Variants in ATG10 observed in about 807,000 individuals in gnomAD.
ATG10 encodes the protein ubiquitin-like-conjugating enzyme ATG10.
A neutral mutation model predicts 32.1 loss-of-function variants in ATG10; 30 were observed. The ratio of observed to expected loss-of-function variants is 0.94; its 90% CI spans 0.70 to 1.27. The LOEUF is 1.27. Among genes scored for constraint, ATG10 ranks in the 50% most tolerant of loss-of-function variants. The pLI, the probability that ATG10 is intolerant of heterozygous loss-of-function variation, is 0.00. For missense variants in ATG10, 233 were observed against 262.3 expected (o/e 0.89, Z 0.77); for synonymous variants, 87 against 91.5 (o/e 0.95, Z 0.28).
chr5:82,209,235 G>A (rs574759696), intron 5 of ATG10, among the ~76,000 whole-genome samples: 2 of 152,042 alleles, frequency 1.3e-5, no homozygotes, highest in African/African-American at 4.8e-5. Context: ...ATTTTTCCTG[G>A]CTACTTTTAA....
At chr5:81,996,285 T>C (rs56771094) in intron 2 of ATG10, among the ~76,000 whole-genome samples, 1,778 of 152,308 alleles carry the variant, frequency 0.012, 31 homozygotes, top group African/African-American at 0.04. Flanking sequence ...GGTGCTGGAG[T>C]GCAGTGCAGT....
intron 2 of ATG10, among the ~76,000 whole-genome samples, chr5:82,011,250 T>G (rs959517215): frequency 1.3e-5 from 2 of 152,134 alleles, no homozygotes; most frequent in Non-Finnish European, 2.9e-5. Flanking sequence ...GCCATGACCC[T>G]GAAGGTTTTA....
intron 3 of ATG10, chr5:82,147,239 G>A: frequency 8.4e-6 from 2 of 237,894 alleles, no homozygotes; most frequent in Non-Finnish European, 1.7e-5. Flanking sequence ...CGTGATCTCA[G>A]CTCACTGCAA....
chr5:82,252,059 G>A (rs952686911), intron 5 of ATG10, among the ~76,000 whole-genome samples: 22 of 152,208 alleles, frequency 1.4e-4, no homozygotes, highest in African/African-American at 4.8e-4. Flanking sequence ...GGTTCTACTC[G>A]TGGAACATGT....
intron 2 of ATG10, among the ~76,000 whole-genome samples, chr5:82,013,035 C>T (rs149900350): frequency 0.049 from 7,431 of 151,034 alleles, 449 homozygotes; most frequent in African/African-American, 0.15. Flanking sequence ...AATCTTGGCT[C>T]ACTGCAACCT....
intron 3 of ATG10, among the ~76,000 whole-genome samples, chr5:82,157,246 A>T (rs1055664041): frequency 1.3e-5 from 2 of 149,832 alleles, no homozygotes; most frequent in Non-Finnish European, 1.5e-5. Context: ...ACCCCCTTTT[A>T]AAAAAAAATC....
At chr5:82,105,005 G>A (rs1439959169) in intron 3 of ATG10, among the ~76,000 whole-genome samples, 1 of 152,110 alleles carries the variant, frequency 6.6e-6, no homozygotes, top group Non-Finnish European at 1.5e-5. Context: ...AAATCACTGA[G>A]TTATTGTGGC....
At chr5:82,095,409 A>C (rs1290033743) in intron 3 of ATG10, among the ~76,000 whole-genome samples, 2 of 152,208 alleles carry the variant, frequency 1.3e-5, no homozygotes, top group Non-Finnish European at 1.5e-5. Context: ...TATTTAAAAA[A>C]ATTGTTTTAC....
chr5:82,033,211 A>G (rs1329193591), intron 2 of ATG10, among the ~76,000 whole-genome samples: 3 of 152,176 alleles, frequency 2.0e-5, no homozygotes, highest in African/African-American at 7.2e-5. Flanking sequence ...TATCAATGCA[A>G]TACAATTTTT....
chr5:81,983,807 C>A (rs1211765851), intron 1 of ATG10, among the ~76,000 whole-genome samples: 2 of 151,848 alleles, frequency 1.3e-5, no homozygotes, highest in Non-Finnish European at 2.9e-5. Flanking sequence ...GGCAGAGACG[C>A]TCCTCACCTC....
intron 5 of ATG10, among the ~76,000 whole-genome samples, chr5:82,188,647 G>A (rs931941966): frequency 1.3e-5 from 2 of 152,060 alleles, no homozygotes; most frequent in Non-Finnish European, 2.9e-5. Flanking sequence ...CAACAGCTTG[G>A]AGCAGGTGGA....
At chr5:82,027,992 G>T (rs1046965564) in intron 2 of ATG10, among the ~76,000 whole-genome samples, 2 of 152,316 alleles carry the variant, frequency 1.3e-5, no homozygotes, top group East Asian at 3.9e-4. Context: ...TTTGAGATTG[G>T]TTCCAACAAT....
At chr5:82,136,170 C>T (rs190086927) in intron 3 of ATG10, among the ~76,000 whole-genome samples, 1 of 152,112 alleles carries the variant, frequency 6.6e-6, no homozygotes, top group African/African-American at 2.4e-5. Flanking sequence ...GGTCTTGACT[C>T]TTTATCCAAT....
chr5:82,094,028 C>T (rs754011895), intron 3 of ATG10, among the ~76,000 whole-genome samples: 1 of 152,100 alleles, frequency 6.6e-6, no homozygotes, highest in Non-Finnish European at 1.5e-5. Flanking sequence ...TCCTTATACA[C>T]ATGAGCCGAT....
Position 82,002,957 on chromosome 5 carries a change from A to G in ATG10, c.108+15279A>G, listed in dbSNP as rs79149597. ...AAAATAAAAGTTCAAAAAAACGAGA[A>G]AAAAATTATTTCACGTGACCTAAGA... is the stretch of plus-strand genomic sequence containing the variant. On this transcript the variant is annotated intron_variant, in intron 2 of 7. Coordinates refer to ENST00000282185, the MANE Select transcript of ATG10 (RefSeq NM_031482.5). Among the ~76,000 whole-genome samples the G allele has an allele frequency of 1.1e-4, 16 of 152,316 alleles. No individual in the cohort carries two copies. The East Asian group carries it at 1.5e-3, about 15-fold the overall frequency.
At chr5:81,978,857 A>G (rs1467613670) in intron 1 of ATG10, among the ~76,000 whole-genome samples, 1 of 152,130 alleles carries the variant, frequency 6.6e-6, no homozygotes, top group East Asian at 1.9e-4. Flanking sequence ...AAGGTACTAT[A>G]AATGAGAAGA....
intron 5 of ATG10, among the ~76,000 whole-genome samples, chr5:82,197,060 A>G (rs980405153): frequency 3.9e-5 from 6 of 152,054 alleles, no homozygotes; most frequent in African/African-American, 1.2e-4. Context: ...GCTCCTCTCA[A>G]TTTCTTTCAA....
At chr5:82,015,250 GC>G (rs1385926388) in intron 2 of ATG10, among the ~76,000 whole-genome samples, 2 of 152,160 alleles carry the variant, frequency 1.3e-5, no homozygotes, top group Non-Finnish European at 2.9e-5. Context: ...CTGTCTGGCT[GC>G]CCTTAATATT....
At chr5:82,015,995 G>A (rs1762275896) in intron 2 of ATG10, among the ~76,000 whole-genome samples, 1 of 152,120 alleles carries the variant, frequency 6.6e-6, no homozygotes. Context: ...CGTACAGATG[G>A]GGTTTTGGAT....
Sources: allele counts gnomAD v4.1 joint callset (sites outside exome capture counted in the v4.1 genomes callset), GRCh38; gene constraint gnomAD v4.1.1; transcripts MANE v1.5; gene names NCBI Gene and HGNC (gene_info 2026-07-23, HGNC 2026-07-21).